The following OR2AG1 variants were observed in gnomAD, a reference collection of about 807,000 sequenced individuals.
OR2AG1 encodes olfactory receptor family 2 subfamily AG member 1.
For synonymous variants in OR2AG1, 157 were observed against 155.6 expected (o/e 1.01, Z -0.07); for missense variants, 391 against 385.9 (o/e 1.01, Z -0.11).
rs1275999055 is a variant in OR2AG1, at chr11:6,788,408, A to AT, written c.*2424dup. 2.6e-5 allele frequency: 4 copies of AT among 152,096 alleles called. No individual in the cohort carries two copies. The East Asian group carries it at 7.7e-4, about 29-fold the overall frequency. 9.4% of individuals were successfully genotyped at this position (152,096 alleles called of 1,614,324 possible). The stretch of plus-strand genomic sequence containing the variant: ...AGCAATATTTTAAAGTAATCCTTTC[A>AT]TTTTCTATTATTTTACTACCTTCAT... On this transcript the variant is annotated 3_prime_UTR_variant, in exon 2 of 2. Coordinates refer to ENST00000641258, the MANE Select transcript of OR2AG1 (RefSeq NM_001004489.3).
rs752613547 is a variant in OR2AG1, at chr11:6,785,533, T to A, written c.496T>A (p.Tyr166Asn). 8.1e-6 allele frequency: 13 copies of A among 1,614,150 alleles called. No individual in the cohort carries two copies. Among genetic ancestry groups the A allele is most frequent in the African/African-American group, 1.3e-5 (1 of 75,052 alleles). Residue 166 changes from tyrosine to asparagine, a missense_variant, in exon 2 of 2, where the codon TAT becomes AAT. Physicochemically the swap from Tyr to Asn is moderately radical, Grantham distance 143 (BLOSUM62 -2). Coordinates refer to ENST00000641258, the MANE Select transcript of OR2AG1 (RefSeq NM_001004489.3). ...ALIYTVYTMH[Y>N]PFCRAQEIRH... ...AATATATACCGTGTATACCATGCAC[T>A]ATCCCTTCTGCAGGGCCCAGGAGAT...
At position 6,785,801 on chromosome 11, in the gene OR2AG1, C is replaced by T. The variant is rs768273160; in HGVS notation, c.764C>T (p.Ala255Val). ...LTVVGMFYGA[A>V]TFMYVLPSSF... is the part of the protein sequence containing the mutation. ...GTGGTTGGGATGTTCTATGGAGCTG[C>T]CACATTCATGTATGTCTTGCCCAGT... is the stretch of plus-strand genomic sequence containing the variant. Residue 255 changes from alanine (A) to valine (V), a missense_variant, in exon 2 of 2, where the codon GCC becomes GTC. By Grantham distance (64) the Ala-to-Val change is moderately conservative. Transcript: ENST00000641258. The T allele has an allele frequency of 2.5e-6, 4 of 1,614,150 alleles. No individual in the cohort carries two copies. Among genetic ancestry groups the T allele is most frequent in the East Asian group, 2.2e-5 (1 of 44,876 alleles).
rs954685033 is a variant in OR2AG1 at position 6,788,802 on chromosome 11, T to C, written c.*2814T>C. 1.3e-5 allele frequency: 2 copies of C among 151,920 alleles called. No homozygotes were observed. Among genetic ancestry groups the C allele is most frequent in the African/African-American group, 2.4e-5 (1 of 41,358 alleles). 9.4% of individuals were successfully genotyped at this position (151,920 alleles called of 1,614,324 possible). A position where few individuals can be genotyped will look rare whatever the true frequency, so the allele number is the denominator to read the frequency against. ...TATCTGTGCCTGCGTGTACACTTCCTGTTTTCCCTCATTATAACTGCTTGA... is the reference window on the plus strand; with the variant it reads ...TATCTGTGCCTGCGTGTACACTTCCCGTTTTCCCTCATTATAACTGCTTGA... On this transcript the variant is annotated 3_prime_UTR_variant, in exon 2 of 2. Coordinates refer to ENST00000641258, the MANE Select transcript of OR2AG1 (RefSeq NM_001004489.3).
In OR2AG1 at chr11:6,789,164, A is replaced by C. The variant is rs1847662277; in HGVS notation, c.*3176A>C. On this transcript the variant is annotated 3_prime_UTR_variant, in exon 2 of 2. Transcript: ENST00000641258. Reference sequence around the variant, plus strand: ...TTGTGAAAATTATCATTAATGTGCTAAATAAAATGTCTACCTCCATATTCT... The same window carrying C: ...TTGTGAAAATTATCATTAATGTGCTCAATAAAATGTCTACCTCCATATTCT... The C allele has an allele frequency of 6.6e-6, 1 of 152,088 alleles. No homozygotes were observed. The allele number at this position is 152,088 out of a possible 1,614,324, so 9.4% of individuals were successfully genotyped here.
rs753512989 is a variant in OR2AG1, at chr11:6,785,331, C to A, written c.294C>A (p.Ala98=). 6 of 1,614,066 alleles carry A rather than the reference C, an allele frequency of 3.7e-6. No homozygotes were observed. The African/African-American group carries it at 4.0e-5, about 11-fold the overall frequency. ...RENTISFGGC[A]LQMFLALTMG... ...ACACCATCTCCTTTGGAGGCTGTGC[C>A]CTTCAGATGTTCCTGGCACTGACAA... Residue 98 remains alanine, a synonymous_variant, in exon 2 of 2, where the codon GCC becomes GCA. Transcript: ENST00000641258.
chr11:6,791,274 C>G lies in OR2AG1; in HGVS notation c.*5286C>G, dbSNP rs1847686569. On this transcript the variant is annotated 3_prime_UTR_variant, in exon 2 of 2. Transcript: ENST00000641258. ...GGCATATTGTGTATTGTCACTAATTCTGGGAAGGCGGGGGCCATTGGTTTT... is the reference window on the plus strand; with the variant it reads ...GGCATATTGTGTATTGTCACTAATTGTGGGAAGGCGGGGGCCATTGGTTTT... The G allele has an allele frequency of 6.6e-6, 1 of 152,140 alleles. No homozygotes were observed. The highest frequency in any genetic ancestry group is 1.5e-5 in the Non-Finnish European group (1 of 68,026). 9.4% of individuals were successfully genotyped at this position (152,140 alleles called of 1,614,324 possible).
In OR2AG1 at chr11:6,788,329, C is replaced by G. The variant is rs933867098; in HGVS notation, c.*2341C>G. On this transcript the variant is annotated 3_prime_UTR_variant, in exon 2 of 2. Transcript: ENST00000641258. ...CTTTAACAATAAATGTCAAACTTATCTTTACATGTGAAAATGATGATATTT... is the reference window on the plus strand; with the variant it reads ...CTTTAACAATAAATGTCAAACTTATGTTTACATGTGAAAATGATGATATTT... The G allele has an allele frequency of 6.6e-6, 1 of 152,062 alleles. No individual in the cohort carries two copies. The allele number at this position is 152,062 out of a possible 1,614,324, so 9.4% of individuals were successfully genotyped here. A position where few individuals can be genotyped will look rare whatever the true frequency, so the allele number is the denominator to read the frequency against.
At position 6,785,820 on chromosome 11, in the gene OR2AG1, G is replaced by A. The variant is rs751662985; in HGVS notation, c.783G>A (p.Leu261=). 3.1e-6 allele frequency: 5 copies of A among 1,614,004 alleles called. No homozygotes were observed. Among genetic ancestry groups the A allele is most frequent in the South Asian group, 1.1e-5 (1 of 91,082 alleles). The change falls in exon 2 of 2, where the codon TTG becomes TTA. Residue 261 remains leucine (L), a synonymous_variant. Coordinates refer to ENST00000641258, the MANE Select transcript of OR2AG1 (RefSeq NM_001004489.3). ...FYGAATFMYV[L]PSSFHSTRQD... ...GAGCTGCCACATTCATGTATGTCTT[G>A]CCCAGTTCCTTCCACAGCACCAGAC... is the stretch of plus-strand genomic sequence containing the variant.
chr11:6,785,307 C>T lies in OR2AG1; in HGVS notation c.270C>T (p.Asn90=). The T allele has an allele frequency of 6.2e-7, 1 of 1,614,200 alleles. No individual in the cohort carries two copies. Among genetic ancestry groups the T allele is most frequent in the Non-Finnish European group, 8.5e-7 (1 of 1,180,030 alleles). The change falls in exon 2 of 2, where the codon AAC becomes AAT. Residue 90 remains asparagine (N), a synonymous_variant. Coordinates refer to ENST00000641258, the MANE Select transcript of OR2AG1 (RefSeq NM_001004489.3). The part of the protein sequence containing the change: ...KALADFLRRE[N]TISFGGCALQ... ...TTGCGGACTTTCTGCGCAGAGAAAA[C>T]ACCATCTCCTTTGGAGGCTGTGCCC...
At position 6,788,229 on chromosome 11, in the gene OR2AG1, T is replaced by A. The variant is rs558910863; in HGVS notation, c.*2241T>A. The A allele has an allele frequency of 6.6e-6, 1 of 152,190 alleles. No individual in the cohort carries two copies. The highest frequency in any genetic ancestry group is 1.5e-5 in the Non-Finnish European group (1 of 68,012). The allele number at this position is 152,190 out of a possible 1,614,324, so 9.4% of individuals were successfully genotyped here. A position where few individuals can be genotyped will look rare whatever the true frequency, so the allele number is the denominator to read the frequency against. ...ATAATTTTCTATTCTCATTGACGTCTTTGCTGTGCATCATACAGTTCAATT... is the reference window on the plus strand; with the variant it reads ...ATAATTTTCTATTCTCATTGACGTCATTGCTGTGCATCATACAGTTCAATT... On this transcript the variant is annotated 3_prime_UTR_variant, in exon 2 of 2. Coordinates refer to ENST00000641258, the MANE Select transcript of OR2AG1 (RefSeq NM_001004489.3).
Position 6,786,270 on chromosome 11 carries a change from ACATGACC to A in OR2AG1, c.*284_*290del, listed in dbSNP as rs1179894700. ...TAGTTAAATGGGTTCCCACCTTGGG[ACATGACC>A]CCTAACCTTCGAAGTTTATATTGGA... is the stretch of plus-strand genomic sequence containing the variant. On this transcript the variant is annotated 3_prime_UTR_variant, in exon 2 of 2. Transcript: ENST00000641258. 1.3e-5 allele frequency: 4 copies of A among 299,816 alleles called. No homozygotes were observed. The highest frequency in any genetic ancestry group is 2.5e-5 in the Non-Finnish European group (4 of 162,974). 18.6% of individuals were successfully genotyped at this position (299,816 alleles called of 1,614,324 possible).
chr11:6,786,628 A>T lies in OR2AG1; in HGVS notation c.*640A>T, dbSNP rs1220896861. 1.3e-5 allele frequency: 2 copies of T among 152,244 alleles called. No homozygotes were observed. The highest frequency in any genetic ancestry group is 4.8e-5 in the African/African-American group (2 of 41,460). 9.4% of individuals were successfully genotyped at this position (152,244 alleles called of 1,614,324 possible). A position where few individuals can be genotyped will look rare whatever the true frequency, so the allele number is the denominator to read the frequency against. On this transcript the variant is annotated 3_prime_UTR_variant, in exon 2 of 2. Coordinates refer to ENST00000641258, the MANE Select transcript of OR2AG1 (RefSeq NM_001004489.3). ...AATGCAATTATTAATAAAATGAAGA[A>T]AATAGGAGGTGAAGGTAGTCCATAA...
Position 6,791,329 on chromosome 11 carries a change from CA to C in OR2AG1, c.*5342del, listed in dbSNP as rs1847687079. ...AAGTGTGACTATGAAACATGAAAAT[CA>C]CACAAGGCAATCTTGATCTGAGGAA... On this transcript the variant is annotated 3_prime_UTR_variant, in exon 2 of 2. Coordinates refer to ENST00000641258, the MANE Select transcript of OR2AG1 (RefSeq NM_001004489.3). 1 of 152,136 alleles carries C rather than the reference CA, an allele frequency of 6.6e-6. No individual in the cohort carries two copies. 9.4% of individuals were successfully genotyped at this position (152,136 alleles called of 1,614,324 possible).
rs367736243 is a variant in OR2AG1, at chr11:6,788,225, C to T, written c.*2237C>T. The T allele has an allele frequency of 4.6e-5, 7 of 151,998 alleles. No individual in the cohort carries two copies. The East Asian group carries it at 5.8e-4, about 13-fold the overall frequency. 9.4% of individuals were successfully genotyped at this position (151,998 alleles called of 1,614,324 possible). On this transcript the variant is annotated 3_prime_UTR_variant, in exon 2 of 2. Coordinates refer to ENST00000641258, the MANE Select transcript of OR2AG1 (RefSeq NM_001004489.3). ...GGATATAATTTTCTATTCTCATTGA[C>T]GTCTTTGCTGTGCATCATACAGTTC...
In OR2AG1 at chr11:6,791,501, C is replaced by T. The variant is rs1460145211; in HGVS notation, c.*5513C>T. The T allele has an allele frequency of 6.6e-6, 1 of 152,124 alleles. No homozygotes were observed. The highest frequency in any genetic ancestry group is 1.5e-5 in the Non-Finnish European group (1 of 68,014). The allele number at this position is 152,124 out of a possible 1,614,324, so 9.4% of individuals were successfully genotyped here. On this transcript the variant is annotated 3_prime_UTR_variant, in exon 2 of 2. Transcript: ENST00000641258. ...TTTTAGAGTTGCTAAGTATATAAAG[C>T]ACTAACTTTATCAATTTTGTTAATT...
intron 1 of OR2AG1, 52 bp from the exon 2 acceptor site, chr11:6,784,966 A>G: frequency 1.0e-6 from 1 of 957,222 alleles, no homozygotes. Context: ...CTGATATTTC[A>G]AAACTAGAGT....
chr11:6,784,187 G>A (rs1847598976), intron 1 of OR2AG1, among the ~76,000 whole-genome samples: 1 of 152,154 alleles, frequency 6.6e-6, no homozygotes, highest in Non-Finnish European at 1.5e-5. Flanking sequence ...TCAAAGGCAG[G>A]AGAGGGGATA....
Position 6,788,237 on chromosome 11 carries a change from G to A in OR2AG1, c.*2249G>A, listed in dbSNP as rs1189094242. On this transcript the variant is annotated 3_prime_UTR_variant, in exon 2 of 2. Coordinates refer to ENST00000641258, the MANE Select transcript of OR2AG1 (RefSeq NM_001004489.3). The stretch of plus-strand genomic sequence containing the variant: ...CTATTCTCATTGACGTCTTTGCTGT[G>A]CATCATACAGTTCAATTTAGGTAAC... The A allele has an allele frequency of 6.6e-6, 1 of 151,896 alleles. No individual in the cohort carries two copies. Among genetic ancestry groups the A allele is most frequent in the African/African-American group, 2.4e-5 (1 of 41,364 alleles). 9.4% of individuals were successfully genotyped at this position (151,896 alleles called of 1,614,324 possible).
Position 6,788,819 on chromosome 11 carries a change from A to C in OR2AG1, c.*2831A>C, listed in dbSNP as rs1847653472. The C allele has an allele frequency of 1.3e-5, 2 of 151,792 alleles. No homozygotes were observed. The highest frequency in any genetic ancestry group is 1.3e-4 in the Admixed American group (2 of 15,200). The allele number at this position is 151,792 out of a possible 1,614,324, so 9.4% of individuals were successfully genotyped here. On this transcript the variant is annotated 3_prime_UTR_variant, in exon 2 of 2. Transcript: ENST00000641258. ...ACACTTCCTGTTTTCCCTCATTATA[A>C]CTGCTTGAACCCGGGAGGCAGAGAC...
Sources: allele counts gnomAD v4.1 joint callset (sites outside exome capture counted in the v4.1 genomes callset), GRCh38; gene constraint gnomAD v4.1.1; transcripts MANE v1.5; gene names NCBI Gene and HGNC (gene_info 2026-07-23, HGNC 2026-07-21).